The following GALNT13 variants were observed in gnomAD, a reference collection of about 807,000 sequenced individuals.
The protein encoded by GALNT13 is polypeptide N-acetylgalactosaminyltransferase 13.
A neutral mutation model predicts 64.2 loss-of-function variants in GALNT13; 28 were observed. That is an observed-to-expected ratio of 0.44 (90% confidence interval 0.32 to 0.60). The LOEUF (loss-of-function observed/expected upper bound fraction) is 0.60. Ranked by LOEUF, GALNT13 falls within the 20% of genes least tolerant of loss-of-function variation. The pLI is 0.05. For synonymous variants in GALNT13, 214 were observed against 224.6 expected, an observed-to-expected ratio of 0.95 and a Z score of 0.42; for missense variants, 577 against 669.8, an observed-to-expected ratio of 0.86 and a Z score of 1.53.
At chr2:153,773,470 A>G in the GALNT13 span, among the ~76,000 whole-genome samples, 1 of 152,346 alleles carries the variant, frequency 6.6e-6, no homozygotes, top group South Asian at 2.1e-4. Flanking sequence ...AGTTTAGATC[A>G]GTGAGATTTT....
the GALNT13 span, among the ~76,000 whole-genome samples, chr2:153,411,206 T>A: frequency 7.5e-4 from 111 of 147,938 alleles, 3 homozygotes; most frequent in Middle Eastern, 3.5e-3. Context: ...AACTGAAGAG[T>A]AATACATTCA....
At chr2:153,278,336 C>G in the GALNT13 span, among the ~76,000 whole-genome samples, 1 of 152,112 alleles carries the variant, frequency 6.6e-6, no homozygotes, top group Non-Finnish European at 1.5e-5. Context: ...ATTTCTTTTG[C>G]TATCCACAAG....
At chr2:153,478,641 C>G in the GALNT13 span, 4 of 1,212,058 alleles carry the variant, frequency 3.3e-6, no homozygotes, top group Admixed American at 2.8e-5. Flanking sequence ...GAACAGGTGC[C>G]GGGCTGAGCG....
chr2:153,618,075 G>A, the GALNT13 span, among the ~76,000 whole-genome samples: 1 of 151,516 alleles, frequency 6.6e-6, no homozygotes, highest in Admixed American at 6.6e-5. Context: ...TCTGGGTTTG[G>A]TTTGCTTTTG....
chr2:154,313,696 G>A (rs1459150994), intron 9 of GALNT13, among the ~76,000 whole-genome samples: 95 of 151,752 alleles, frequency 6.3e-4, no homozygotes, highest in Admixed American at 1.1e-3. Flanking sequence ...CTGGTGATCT[G>A]CCCACCTTGG....
At chr2:153,716,172 G>A in the GALNT13 span, among the ~76,000 whole-genome samples, 23 of 152,260 alleles carry the variant, frequency 1.5e-4, 1 homozygote, top group South Asian at 4.4e-3. Flanking sequence ...TTGGGAGCCC[G>A]AGAGAAAATC....
chr2:153,387,583 A>G, the GALNT13 span, among the ~76,000 whole-genome samples: 1 of 152,112 alleles, frequency 6.6e-6, no homozygotes, highest in Non-Finnish European at 1.5e-5. Flanking sequence ...AAATTTCTAC[A>G]TTATTAGCAA....
At chr2:153,770,781 C>A in the GALNT13 span, among the ~76,000 whole-genome samples, 5 of 152,158 alleles carry the variant, frequency 3.3e-5, no homozygotes, top group African/African-American at 1.2e-4. Context: ...CCGTGCTCAG[C>A]CCTGGAGGGA....
chr2:153,361,537 T>C, the GALNT13 span, among the ~76,000 whole-genome samples: 1 of 151,928 alleles, frequency 6.6e-6, no homozygotes, highest in African/African-American at 2.4e-5. Flanking sequence ...AATGACCTAA[T>C]GGAGCTGAAA....
At chr2:153,361,351 C>G in the GALNT13 span, among the ~76,000 whole-genome samples, 4 of 152,022 alleles carry the variant, frequency 2.6e-5, no homozygotes, top group South Asian at 8.3e-4. Context: ...GGGCACAGAA[C>G]TATACAGAGG....
At chr2:153,893,792 G>A (rs1337897116) in intron 1 of GALNT13, among the ~76,000 whole-genome samples, 1 of 151,938 alleles carries the variant, frequency 6.6e-6, no homozygotes, top group African/African-American at 2.4e-5. Context: ...TAAAATTGTA[G>A]CATTATAAAT....
the GALNT13 span, among the ~76,000 whole-genome samples, chr2:153,758,451 T>C: frequency 6.6e-6 from 1 of 152,174 alleles, no homozygotes; most frequent in Admixed American, 6.5e-5. Flanking sequence ...TGTTTCAGGG[T>C]GCAAGATTGT....
chr2:154,308,019 T>C (rs373254082), intron 9 of GALNT13, among the ~76,000 whole-genome samples: 2 of 152,158 alleles, frequency 1.3e-5, no homozygotes, highest in South Asian at 4.1e-4. Flanking sequence ...GGCATGGTGA[T>C]TAGAAGCAGC....
At chr2:153,875,149 G>C (rs1312682811) in intron 1 of GALNT13, among the ~76,000 whole-genome samples, 1 of 151,788 alleles carries the variant, frequency 6.6e-6, no homozygotes, top group Non-Finnish European at 1.5e-5. Context: ...GATACTGCAT[G>C]AATGTGAGAA....
At chr2:153,307,550 T>A in the GALNT13 span, among the ~76,000 whole-genome samples, 1 of 152,128 alleles carries the variant, frequency 6.6e-6, no homozygotes, top group African/African-American at 2.4e-5. Flanking sequence ...TCATGTTATG[T>A]GTATTTAGTC....
chr2:153,272,235 C>T, the GALNT13 span, among the ~76,000 whole-genome samples: 1,122 of 152,114 alleles, frequency 7.4e-3, 10 homozygotes, highest in Middle Eastern at 0.014. Context: ...CTAAAAGCAA[C>T]GGCAACAGAA....
At chr2:153,287,947 C>T in the GALNT13 span, among the ~76,000 whole-genome samples, 1 of 152,086 alleles carries the variant, frequency 6.6e-6, no homozygotes, top group Non-Finnish European at 1.5e-5. Flanking sequence ...ACTTCCCTGC[C>T]CCCCTCCCAT....
At chr2:154,213,348 G>A (rs1427304472) in intron 4 of GALNT13, among the ~76,000 whole-genome samples, 1 of 152,060 alleles carries the variant, frequency 6.6e-6, no homozygotes, top group East Asian at 1.9e-4. Flanking sequence ...CCAAATTGCT[G>A]GGATTACAAG....
At chr2:154,351,266 G>T (rs984771633) in intron 9 of GALNT13, among the ~76,000 whole-genome samples, 5 of 152,206 alleles carry the variant, frequency 3.3e-5, no homozygotes, top group African/African-American at 9.6e-5. Context: ...TATGTTGAAG[G>T]ATCTCTGAGT....
Sources: gnomAD v4.1 joint callset for allele counts (sites outside exome capture counted in the v4.1 genomes callset) on GRCh38, gnomAD v4.1.1 for gene constraint, MANE v1.5 for transcripts, NCBI Gene and HGNC (gene_info 2026-07-23, HGNC 2026-07-21) for gene names.